The following SERPINE2 variants were observed in gnomAD, a reference collection of about 807,000 sequenced individuals.
The protein encoded by SERPINE2 is glia-derived nexin.
Under a neutral mutation model 36.3 loss-of-function variants are expected in SERPINE2, and 14 were observed. The observed-to-expected ratio is 0.39, with a 90% CI of 0.25 to 0.60. SERPINE2 has a LOEUF of 0.60. SERPINE2 is among the 20% of genes least tolerant of loss of function. The pLI, the probability that SERPINE2 is intolerant of heterozygous loss-of-function variation, is 0.57. For missense variants in SERPINE2, 418 were observed against 499.6 expected (o/e 0.84, Z 1.56); for synonymous variants, 192 against 191.8 (o/e 1.00, Z -0.01).
intron 1 of SERPINE2, among the ~76,000 whole-genome samples, chr2:224,022,743 C>A (rs2396038): frequency 0.81 from 122,461 of 152,112 alleles, 50,353 homozygotes; most frequent in Non-Finnish European, 0.9. Flanking sequence ...ATGGTACTTA[C>A]CAATTGATAT....
intron 1 of SERPINE2, among the ~76,000 whole-genome samples, chr2:224,004,505 A>C (rs909677576): frequency 2.6e-5 from 4 of 152,076 alleles, no homozygotes; most frequent in African/African-American, 9.7e-5. Flanking sequence ...GCCTATTTTG[A>C]CTTTGGCACC....
At chr2:224,002,859 G>C (rs1340406035) in intron 1 of SERPINE2, among the ~76,000 whole-genome samples, 1 of 151,992 alleles carries the variant, frequency 6.6e-6, no homozygotes, top group Non-Finnish European at 1.5e-5. Flanking sequence ...GGGTTCACTG[G>C]GTGTCGGACC....
intron 5 of SERPINE2, among the ~76,000 whole-genome samples, chr2:223,984,038 G>A (rs1175790771): frequency 6.6e-6 from 1 of 151,532 alleles, no homozygotes; most frequent in African/African-American, 2.4e-5. Context: ...TTAACTCGGT[G>A]ACCAAAGAAT....
At chr2:224,004,224 A>G (rs1214706991) in intron 1 of SERPINE2, among the ~76,000 whole-genome samples, 1 of 152,194 alleles carries the variant, frequency 6.6e-6, no homozygotes, top group East Asian at 1.9e-4. Flanking sequence ...AGCCACCATC[A>G]CATCGAGCAA....
intron 1 of SERPINE2, chr2:224,010,323 T>G: frequency 2.0e-6 from 2 of 984,748 alleles, no homozygotes; most frequent in African/African-American, 3.5e-5. Context: ...AAAAGGAACC[T>G]AAAAATGTTT....
At chr2:223,997,348 G>A (rs886852314) in intron 3 of SERPINE2, among the ~76,000 whole-genome samples, 1 of 152,136 alleles carries the variant, frequency 6.6e-6, no homozygotes, top group African/African-American at 2.4e-5. Flanking sequence ...AGCCTCCCAA[G>A]TAGCTGGGAT....
At chr2:223,993,294 C>T (rs541417162) in intron 3 of SERPINE2, among the ~76,000 whole-genome samples, 2 of 152,314 alleles carry the variant, frequency 1.3e-5, no homozygotes, top group South Asian at 4.1e-4. Flanking sequence ...CAGGATGCTT[C>T]CAAAATGCTA....
intron 1 of SERPINE2, among the ~76,000 whole-genome samples, chr2:224,012,737 T>C (rs772674194): frequency 6.6e-6 from 1 of 152,208 alleles, no homozygotes; most frequent in Non-Finnish European, 1.5e-5. Flanking sequence ...GCCTTCAAAA[T>C]TTCTGTAATG....
At chr2:223,984,591 G>A (rs921000831) in intron 5 of SERPINE2, among the ~76,000 whole-genome samples, 161 bp downstream of exon 5, 9 of 152,198 alleles carry the variant, frequency 5.9e-5, no homozygotes, top group East Asian at 1.9e-4. Context: ...GAATAAAAGC[G>A]TTTAGAAAAG....
intron 1 of SERPINE2, among the ~76,000 whole-genome samples, chr2:224,012,169 T>A (rs1189989650): frequency 6.6e-6 from 1 of 152,210 alleles, no homozygotes; most frequent in Non-Finnish European, 1.5e-5. Context: ...TTTCTTCCCT[T>A]TCTAATTCCC....
chr2:224,013,409 T>C (rs186842657), intron 1 of SERPINE2, among the ~76,000 whole-genome samples: 2 of 152,282 alleles, frequency 1.3e-5, no homozygotes, highest in East Asian at 3.9e-4. Flanking sequence ...ACAGGGCGGT[T>C]TGGAGACCTA....
intron 1 of SERPINE2, among the ~76,000 whole-genome samples, chr2:224,029,578 C>A (rs1692290972): frequency 6.6e-6 from 1 of 152,184 alleles, no homozygotes; most frequent in African/African-American, 2.4e-5. Context: ...TCACTGGACA[C>A]AGTAGAATGA....
At chr2:223,980,242 C>G (rs944567724) in intron 7 of SERPINE2, 69 bp downstream of exon 7, 1 of 1,309,464 alleles carries the variant, frequency 7.6e-7, no homozygotes, top group African/African-American at 1.5e-5. Flanking sequence ...ATTTGCTCAA[C>G]CAATGAGTAT....
chr2:223,991,079 T>C (rs1364838879), intron 4 of SERPINE2, among the ~76,000 whole-genome samples: 2 of 152,232 alleles, frequency 1.3e-5, no homozygotes, highest in Non-Finnish European at 2.9e-5. Flanking sequence ...CGTGTGAATA[T>C]AAAGAAAAGA....
At chr2:224,020,146 T>C (rs1009132473) in intron 1 of SERPINE2, among the ~76,000 whole-genome samples, 1 of 152,214 alleles carries the variant, frequency 6.6e-6, no homozygotes, top group African/African-American at 2.4e-5. Flanking sequence ...ATTTACATCA[T>C]TTTAGTGGGA....
intron 1 of SERPINE2, 80 bp from the exon 2 acceptor site, chr2:224,002,002 A>T: frequency 2.4e-6 from 3 of 1,263,252 alleles, no homozygotes; most frequent in Non-Finnish European, 3.2e-6. Context: ...CCCCAGATAG[A>T]GACTCGTTCT....
intron 5 of SERPINE2, among the ~76,000 whole-genome samples, chr2:223,983,718 GTA>G (rs1690313993): frequency 2.3e-5 from 3 of 131,818 alleles, no homozygotes; most frequent in Non-Finnish European, 3.1e-5. Context: ...ACACACACAC[GTA>G]TATATATGTG....
intron 1 of SERPINE2, among the ~76,000 whole-genome samples, chr2:224,035,670 C>T (rs1692512069): frequency 6.6e-6 from 1 of 152,182 alleles, no homozygotes; most frequent in Admixed American, 6.5e-5. Flanking sequence ...CGCACTGCCT[C>T]ATCCAGGTCT....
intron 1 of SERPINE2, among the ~76,000 whole-genome samples, chr2:224,032,500 G>A (rs1237798109): frequency 6.6e-6 from 1 of 152,136 alleles, no homozygotes; most frequent in Non-Finnish European, 1.5e-5. Context: ...GGGGTTGGGG[G>A]TGGGGCACGG....
Sources: allele counts gnomAD v4.1 joint callset (sites outside exome capture counted in the v4.1 genomes callset), GRCh38; gene constraint gnomAD v4.1.1; transcripts MANE v1.5; gene names NCBI Gene and HGNC (gene_info 2026-07-23, HGNC 2026-07-21).